The following ZFHX3 variants were observed in gnomAD, a reference collection of about 807,000 sequenced individuals.
ZFHX3 encodes zinc finger homeobox protein 3.
In ZFHX3, 42 loss-of-function variants were observed where a neutral mutation model predicts 279.1. The observed-to-expected ratio is 0.15, with a 90% CI of 0.12 to 0.19. The LOEUF is 0.19. Among genes scored for constraint, ZFHX3 ranks in the 10% least tolerant of loss-of-function variants. ZFHX3 has a pLI of 1.00. For missense variants in ZFHX3, 4,981 were observed against 4,754.0 expected (o/e 1.05, Z -1.40); for synonymous variants, 2,293 against 1,957.8 (o/e 1.17, Z -4.52).
At chr16:73,865,941 C>T (rs533003238) in intron 1 of ZFHX3, among the ~76,000 whole-genome samples, 1 of 152,032 alleles carries the variant, frequency 6.6e-6, no homozygotes, top group Non-Finnish European at 1.5e-5. Flanking sequence ...CCCAAGATCG[C>T]ACCACTGCAC....
chr16:73,865,368 A>T (rs1054614867), intron 1 of ZFHX3, among the ~76,000 whole-genome samples: 2 of 152,116 alleles, frequency 1.3e-5, no homozygotes, highest in African/African-American at 4.8e-5. Context: ...CATCAGAGAA[A>T]CTGGAAGACA....
At chr16:73,694,207 C>T (rs2053174590) in intron 1 of ZFHX3, among the ~76,000 whole-genome samples, 1 of 152,038 alleles carries the variant, frequency 6.6e-6, no homozygotes, top group African/African-American at 2.4e-5. Flanking sequence ...TCTGTAGTCC[C>T]AGCTACTGGG....
chr16:73,868,261 G>A (rs534520078), intron 1 of ZFHX3, among the ~76,000 whole-genome samples: 27 of 152,210 alleles, frequency 1.8e-4, no homozygotes, highest in Non-Finnish European at 2.5e-4. Flanking sequence ...GGTGGCTCAC[G>A]CCTGTAATCC....
intron 3 of ZFHX3, among the ~76,000 whole-genome samples, chr16:73,403,678 A>T (rs931784499): frequency 3.9e-5 from 6 of 152,184 alleles, no homozygotes; most frequent in African/African-American, 7.2e-5. Context: ...GGCGGGCTGG[A>T]GGGAGCTGAG....
rs2017696000 is a variant in ZFHX3, at chr16:73,420,466, C to T, written c.-1291+35537G>A. Among the ~76,000 whole-genome samples, 3 of 152,150 alleles carry T rather than the reference C, an allele frequency of 2.0e-5. No individual in the cohort carries two copies. The South Asian group carries it at 6.2e-4, about 32-fold the overall frequency. ...ACTGCAGGGAAGGCGGCGTCGCTGG[C>T]ATTATCGGGTAGATGCCAGGGATTC... On this transcript the variant is annotated intron_variant, in intron 3 of 17. Transcript: ENST00000641206.
At chr16:73,662,386 A>T (rs981755014) in intron 2 of ZFHX3, among the ~76,000 whole-genome samples, 7 of 152,036 alleles carry the variant, frequency 4.6e-5, no homozygotes, top group African/African-American at 1.7e-4. Context: ...TTTCTCCCTT[A>T]TTTCTCATTA....
At chr16:73,670,922 G>A (rs940476939) in intron 2 of ZFHX3, among the ~76,000 whole-genome samples, 1 of 152,190 alleles carries the variant, frequency 6.6e-6, no homozygotes, top group African/African-American at 2.4e-5. Flanking sequence ...AACCCGATGT[G>A]CACAAACATT....
At chr16:72,810,588 TTACAC>T (rs1277929409) in intron 7 of ZFHX3, among the ~76,000 whole-genome samples, 5 of 152,240 alleles carry the variant, frequency 3.3e-5, no homozygotes, top group Admixed American at 6.5e-5. Context: ...ATTTACATCT[TTACAC>T]TAATTAGGCC....
At chr16:73,378,493 C>A (rs1225354368) in intron 3 of ZFHX3, among the ~76,000 whole-genome samples, 1 of 152,118 alleles carries the variant, frequency 6.6e-6, no homozygotes, top group East Asian at 1.9e-4. Flanking sequence ...TCTTGTGTAC[C>A]TGGTTTCGCT....
intron 2 of ZFHX3, chr16:73,499,904 C>T (rs960562273): frequency 6.6e-6 from 1 of 152,182 alleles, no homozygotes; most frequent in Admixed American, 6.5e-5. Flanking sequence ...CTGTGCAAGG[C>T]ACTACTCATG....
intron 4 of ZFHX3, among the ~76,000 whole-genome samples, chr16:72,888,617 A>C (rs2144065417): frequency 1.3e-5 from 2 of 152,368 alleles, no homozygotes; most frequent in Middle Eastern, 3.4e-3. Context: ...GGGAAGTCAG[A>C]GGACAAGAGA....
At chr16:73,478,563 C>T (rs1186602526) in intron 2 of ZFHX3, among the ~76,000 whole-genome samples, 2 of 152,154 alleles carry the variant, frequency 1.3e-5, no homozygotes, top group African/African-American at 4.8e-5. Context: ...TTAAGAGTCT[C>T]GGGTTTTGTT....
chr16:72,875,638 C>T (rs891808272), intron 4 of ZFHX3, among the ~76,000 whole-genome samples: 15 of 152,166 alleles, frequency 9.9e-5, no homozygotes, highest in African/African-American at 1.4e-4. Context: ...GTACTGTAAA[C>T]GCTAATGCAG....
At position 72,957,404 on chromosome 16, in the gene ZFHX3, G is replaced by C. The variant is rs764206653; in HGVS notation, c.2719+23C>G. The C allele has an allele frequency of 3.8e-6, 6 of 1,575,582 alleles. No homozygotes were observed. In the South Asian group the frequency reaches 5.9e-5, roughly 16 times the overall value. ...TGGTTAAACTCCTATCATGAAAACA[G>C]ACAAACACGTAGTCATCCTCACCTA... On this transcript the variant is annotated intron_variant, in intron 2 of 9. Coordinates refer to ENST00000268489, the MANE Select transcript of ZFHX3 (RefSeq NM_006885.4).
At chr16:73,135,429 T>G (rs929256629) in intron 6 of ZFHX3, among the ~76,000 whole-genome samples, 4 of 152,208 alleles carry the variant, frequency 2.6e-5, no homozygotes, top group Non-Finnish European at 5.9e-5. Context: ...GGATGGGAAT[T>G]AGTACAAAGG....
chr16:73,533,454 G>T (rs1390628783), intron 2 of ZFHX3, among the ~76,000 whole-genome samples: 2 of 148,302 alleles, frequency 1.3e-5, no homozygotes, highest in East Asian at 4.0e-4. Flanking sequence ...TTCCTCTCTT[G>T]CATCATCACT....
chr16:73,471,448 G>T (rs1413647918), intron 2 of ZFHX3, among the ~76,000 whole-genome samples: 1 of 150,942 alleles, frequency 6.6e-6, no homozygotes, highest in Non-Finnish European at 1.5e-5. Context: ...CACTCTTGTC[G>T]CCCAGGCTGA....
intron 1 of ZFHX3, among the ~76,000 whole-genome samples, chr16:73,878,818 A>G (rs1410290572): frequency 1.3e-5 from 2 of 151,912 alleles, no homozygotes; most frequent in African/African-American, 2.4e-5. Context: ...ACAGACTACA[A>G]TGCCATCTAC....
At chr16:72,847,808 G>A (rs962039225) in intron 4 of ZFHX3, among the ~76,000 whole-genome samples, 1 of 152,066 alleles carries the variant, frequency 6.6e-6, no homozygotes, top group Admixed American at 6.5e-5. Context: ...GAGCTGAATG[G>A]AACAGGAAGC....
Sources: allele counts gnomAD v4.1 joint callset (sites outside exome capture counted in the v4.1 genomes callset), GRCh38; gene constraint gnomAD v4.1.1; transcripts MANE v1.5; gene names NCBI Gene and HGNC (gene_info 2026-07-23, HGNC 2026-07-21).